Variants in SFXN1 observed in about 807,000 individuals in gnomAD.
SFXN1 encodes sideroflexin 1.
In SFXN1, 32 loss-of-function variants were observed where a neutral mutation model predicts 39.5. The ratio of observed to expected loss-of-function variants is 0.81; its 90% CI spans 0.61 to 1.09. The LOEUF (loss-of-function observed/expected upper bound fraction) is 1.09, where lower values mean the gene tolerates loss of function less well. SFXN1 is among the 50% of genes least tolerant of loss of function. The probability of loss-of-function intolerance (pLI) is 0.00; values close to 1 mark genes in which losing one functional copy is unlikely to be tolerated. For missense variants in SFXN1, 402 were observed against 407.1 expected (o/e 0.99, Z 0.11); for synonymous variants, 136 against 146.5 (o/e 0.93, Z 0.52).
intron 4 of SFXN1, 154 bp from the exon 5 acceptor site, chr5:175,511,296 TC>T (rs1760503377): frequency 6.6e-6 from 4 of 604,586 alleles, no homozygotes; most frequent in Non-Finnish European, 8.7e-6. Flanking sequence ...TTCTCTAGAT[TC>T]CCCTACTTGT....
rs1290024845 is a variant in SFXN1 at position 175,528,121 on chromosome 5, C to CCT, written c.*1387_*1388insCT. 1.3e-5 allele frequency: 2 copies of CCT among 152,050 alleles called. No individual in the cohort carries two copies. The highest frequency in any genetic ancestry group is 2.9e-5 in the Non-Finnish European group (2 of 68,022). 9.4% of individuals were successfully genotyped at this position (152,050 alleles called of 1,614,324 possible). ...TATTTTTAGTAGAGACGGGGTTTCA[C>CCT]TGTGGTCTCGATCTCCTGACCTCGT... On this transcript the variant is annotated 3_prime_UTR_variant, in exon 11 of 11. Coordinates refer to ENST00000321442, the MANE Select transcript of SFXN1 (RefSeq NM_022754.7).
intron 1 of SFXN1, among the ~76,000 whole-genome samples, chr5:175,480,633 A>G (rs965374423): frequency 1.3e-5 from 2 of 152,230 alleles, no homozygotes; most frequent in Admixed American, 1.3e-4. Flanking sequence ...ATGAAACCCC[A>G]TGGGGATGGA....
chr5:175,492,693 A>C (rs1230790349), intron 2 of SFXN1: 1 of 158,256 alleles, frequency 6.3e-6, no homozygotes, highest in Non-Finnish European at 1.4e-5. Context: ...CCAGTAAGTA[A>C]AGTCCTGTAG....
At chr5:175,479,197 T>C (rs1009418012) in intron 1 of SFXN1, among the ~76,000 whole-genome samples, 15 of 152,220 alleles carry the variant, frequency 9.9e-5, no homozygotes, top group African/African-American at 3.6e-4. Flanking sequence ...GACCTTGCAT[T>C]TTCACGCTTT....
In SFXN1 at chr5:175,527,073, T is replaced by C. The variant is rs1289042152; in HGVS notation, c.*339T>C. The C allele has an allele frequency of 4.7e-6, 1 of 214,254 alleles. No homozygotes were observed. Among genetic ancestry groups the C allele is most frequent in the Non-Finnish European group, 9.2e-6 (1 of 108,402 alleles). The allele number at this position is 214,254 out of a possible 1,614,324, so 13.3% of individuals were successfully genotyped here. On this transcript the variant is annotated 3_prime_UTR_variant, in exon 11 of 11. Transcript: ENST00000321442. ...GTGCTCAGTATATGGTCAGTAAATG[T>C]TCTATTGATTATCAATCAGTGAAAA...
chr5:175,515,107 CCT>C (rs1482603565), intron 7 of SFXN1, among the ~76,000 whole-genome samples: 5 of 152,126 alleles, frequency 3.3e-5, no homozygotes, highest in Non-Finnish European at 1.5e-5. Flanking sequence ...CCTCAACTTC[CCT>C]GAGCTCAGGT....
chr5:175,489,817 T>G (rs774889066), intron 1 of SFXN1, among the ~76,000 whole-genome samples: 54 of 152,278 alleles, frequency 3.5e-4, no homozygotes, highest in Non-Finnish European at 6.9e-4. Context: ...GGTGTGGACC[T>G]CATGCTGATG....
At chr5:175,489,519 T>C (rs1759579576) in intron 1 of SFXN1, among the ~76,000 whole-genome samples, 1 of 152,198 alleles carries the variant, frequency 6.6e-6, no homozygotes, top group African/African-American at 2.4e-5. Context: ...ATACTTGATA[T>C]ATTCTAATTC....
chr5:175,478,864 A>G (rs1466253444), intron 1 of SFXN1, among the ~76,000 whole-genome samples: 6 of 151,212 alleles, frequency 4.0e-5, no homozygotes, highest in Non-Finnish European at 8.9e-5. Context: ...GGACAACACC[A>G]CGCTTCCAGC....
chr5:175,522,683 T>C (rs1561677507), intron 10 of SFXN1: 4 of 396,654 alleles, frequency 1.0e-5, no homozygotes, highest in South Asian at 4.5e-5. Flanking sequence ...TTAACTCTGA[T>C]GCAAATTTGC....
At chr5:175,499,129 C>T (rs1262552792) in intron 2 of SFXN1, among the ~76,000 whole-genome samples, 1 of 152,074 alleles carries the variant, frequency 6.6e-6, no homozygotes, top group East Asian at 1.9e-4. Flanking sequence ...GTAGCTTATG[C>T]CTGTTATCCC....
chr5:175,479,695 G>C (rs1000762267), intron 1 of SFXN1, among the ~76,000 whole-genome samples: 1 of 152,130 alleles, frequency 6.6e-6, no homozygotes, highest in African/African-American at 2.4e-5. Flanking sequence ...ATGAGTATTT[G>C]TTGACTGCCT....
intron 1 of SFXN1, among the ~76,000 whole-genome samples, chr5:175,488,336 C>T (rs1250654210): frequency 1.3e-5 from 2 of 149,320 alleles, no homozygotes; most frequent in Admixed American, 6.7e-5. Flanking sequence ...GAGTTTCGCT[C>T]TTGTTGCCCA....
intron 2 of SFXN1, among the ~76,000 whole-genome samples, chr5:175,505,405 C>T (rs527616634): frequency 6.6e-6 from 1 of 151,454 alleles, no homozygotes; most frequent in Non-Finnish European, 1.5e-5. Context: ...AATGTGGTGG[C>T]GGGTGCCTGT....
intron 2 of SFXN1, among the ~76,000 whole-genome samples, chr5:175,493,022 G>A (rs1359763917): frequency 3.9e-5 from 6 of 152,228 alleles, no homozygotes; most frequent in Admixed American, 3.9e-4. Context: ...GGGAGGCTGA[G>A]GTGGGTAGAT....
chr5:175,512,045 T>A, intron 5 of SFXN1, 66 bp from the exon 6 acceptor site: 5 of 1,419,616 alleles, frequency 3.5e-6, no homozygotes, highest in Non-Finnish European at 4.9e-6. Context: ...CAAGAAGAAA[T>A]AAGTTATTTC....
At chr5:175,515,993 A>G (rs1760707223) in intron 7 of SFXN1, among the ~76,000 whole-genome samples, 1 of 151,264 alleles carries the variant, frequency 6.6e-6, no homozygotes, top group Non-Finnish European at 1.5e-5. Flanking sequence ...GATCCCTTGT[A>G]TGTGCAGTTC....
intron 1 of SFXN1, among the ~76,000 whole-genome samples, chr5:175,490,084 T>C (rs917104816): frequency 6.6e-5 from 10 of 152,190 alleles, no homozygotes; most frequent in African/African-American, 1.7e-4. Flanking sequence ...TGTCCAAAAG[T>C]TTCCTAATCT....
intron 7 of SFXN1, 167 bp downstream of exon 7, chr5:175,513,757 T>G: frequency 4.4e-6 from 3 of 682,768 alleles, no homozygotes; most frequent in Non-Finnish European, 7.1e-6. Flanking sequence ...TGTGCAGTGG[T>G]GATGAGGGCA....
Sources: allele counts gnomAD v4.1 joint callset (sites outside exome capture counted in the v4.1 genomes callset), GRCh38; gene constraint gnomAD v4.1.1; transcripts MANE v1.5; gene names NCBI Gene and HGNC (gene_info 2026-07-23, HGNC 2026-07-21).